Variants in NRXN1 observed in about 807,000 individuals in gnomAD.
The protein encoded by NRXN1 is neurexin-1.
A neutral mutation model predicts 150.9 loss-of-function variants in NRXN1; 39 were observed. That is an observed-to-expected ratio of 0.26 (90% CI 0.20 to 0.34). NRXN1 has a LOEUF of 0.34. Ranked by LOEUF, NRXN1 falls within the 10% of genes least tolerant of loss-of-function variation. The pLI, the probability that NRXN1 is intolerant of heterozygous loss-of-function variation, is 1.00. For missense variants in NRXN1, 1,815 were observed against 1,949.9 expected, an observed-to-expected ratio of 0.93 and a Z score of 1.30; for synonymous variants, 924 against 757.0, an observed-to-expected ratio of 1.22 and a Z score of -3.62.
At chr2:50,099,279 G>A (rs1210043946) in intron 18 of NRXN1, among the ~76,000 whole-genome samples, 1 of 152,014 alleles carries the variant, frequency 6.6e-6, no homozygotes, top group Non-Finnish European at 1.5e-5. Context: ...AAAGCCTGGT[G>A]TATTCCTCAT....
chr2:50,166,307 GTGTGTGTGTGTGTGTGTT>G lies in NRXN1; in HGVS notation c.3546+70464_3546+70481del, dbSNP rs527954832. ...TGTGTGTGTGTGTGTGTGTGTGTGT[GTGTGTGTGTGTGTGTGTT>G]TGTGTGTGTGTGTGTGTTCAAGAAT... On this transcript the variant is annotated intron_variant, in intron 18 of 22. Transcript: ENST00000401669. Among the ~76,000 whole-genome samples the G allele has an allele frequency of 5.7e-3, 841 of 146,558 alleles. 9 individuals are homozygous for G. The highest frequency in any genetic ancestry group is 0.022 in the African/African-American group (816 of 36,738).
At chr2:50,740,622 C>A (rs535536824) in intron 5 of NRXN1, among the ~76,000 whole-genome samples, 1 of 152,004 alleles carries the variant, frequency 6.6e-6, no homozygotes, top group African/African-American at 2.4e-5. Flanking sequence ...TGCCTGTGTA[C>A]GTATATAAAA....
At chr2:50,109,014 G>C (rs1418139042) in intron 18 of NRXN1, among the ~76,000 whole-genome samples, 1 of 152,080 alleles carries the variant, frequency 6.6e-6, no homozygotes, top group African/African-American at 2.4e-5. Flanking sequence ...TTCTCATAAG[G>C]AGTGGCAAAG....
chr2:50,304,084 C>T lies in NRXN1; in HGVS notation c.3365-67114G>A, dbSNP rs923183897. ...GACATATAAGATTACAGCCATAGAT[C>T]GATGAAGATGCAGCAGAAAAGGTAT... is the stretch of plus-strand genomic sequence containing the variant. On this transcript the variant is annotated intron_variant, in intron 17 of 22. Coordinates refer to ENST00000401669, the MANE Select transcript of NRXN1 (RefSeq NM_001330078.2). Among the ~76,000 whole-genome samples the T allele has an allele frequency of 1.2e-4, 19 of 152,106 alleles. No individual in the cohort carries two copies. The South Asian group carries it at 2.7e-3, about 22-fold the overall frequency.
chr2:50,156,198 C>T (rs539090587), intron 18 of NRXN1, among the ~76,000 whole-genome samples: 44 of 151,710 alleles, frequency 2.9e-4, no homozygotes, highest in Non-Finnish European at 4.9e-4. Flanking sequence ...AATTAACAGT[C>T]ATATAATGTA....
chr2:50,247,309 A>G (rs951749680), intron 17 of NRXN1, among the ~76,000 whole-genome samples: 1 of 152,088 alleles, frequency 6.6e-6, no homozygotes, highest in East Asian at 1.9e-4. Context: ...CTCACAGTTC[A>G]CTTGAATAGC....
intron 21 of NRXN1, among the ~76,000 whole-genome samples, chr2:50,013,355 A>G (rs1163068966): frequency 6.7e-6 from 1 of 149,376 alleles, no homozygotes; most frequent in African/African-American, 2.5e-5. Context: ...ATTCTGTACA[A>G]ATGATTTTAC....
intron 2 of NRXN1, among the ~76,000 whole-genome samples, chr2:50,990,811 G>A (rs1001178176): frequency 2.0e-5 from 3 of 151,942 alleles, no homozygotes; most frequent in African/African-American, 4.8e-5. Flanking sequence ...CTGAAGTGTC[G>A]TAGTGCTGCA....
chr2:50,507,443 A>G (rs1236416621), intron 12 of NRXN1, among the ~76,000 whole-genome samples: 1 of 152,120 alleles, frequency 6.6e-6, no homozygotes, highest in Non-Finnish European at 1.5e-5. Flanking sequence ...AGTGATATTA[A>G]ACAACAGTAG....
chr2:50,399,448 C>T (rs1055625902), intron 17 of NRXN1, among the ~76,000 whole-genome samples: 6 of 151,976 alleles, frequency 3.9e-5, no homozygotes, highest in African/African-American at 1.5e-4. Flanking sequence ...TTTCCCTATG[C>T]CTTTGATTAC....
intron 5 of NRXN1, among the ~76,000 whole-genome samples, chr2:50,911,236 T>G (rs535454636): frequency 1.3e-5 from 2 of 152,064 alleles, no homozygotes; most frequent in African/African-American, 2.4e-5. Context: ...TATTTCTACT[T>G]GGAGAAATGA....
intron 19 of NRXN1, among the ~76,000 whole-genome samples, chr2:50,075,397 A>G (rs1573762063): frequency 6.6e-6 from 1 of 152,236 alleles, no homozygotes; most frequent in Non-Finnish European, 1.5e-5. Flanking sequence ...AAGAGGCCCA[A>G]TTGTGTAAAA....
At chr2:49,982,336 T>C (rs1022352743) in intron 21 of NRXN1, among the ~76,000 whole-genome samples, 1 of 152,196 alleles carries the variant, frequency 6.6e-6, no homozygotes, top group Non-Finnish European at 1.5e-5. Flanking sequence ...TCTTTAAAAC[T>C]GTTAGAATTT....
intron 5 of NRXN1, among the ~76,000 whole-genome samples, chr2:50,795,288 T>C (rs575968797): frequency 6.6e-6 from 1 of 152,136 alleles, no homozygotes; most frequent in Non-Finnish European, 1.5e-5. Flanking sequence ...GCTTGACCCA[T>C]AGGTCTGGAA....
intron 17 of NRXN1, among the ~76,000 whole-genome samples, chr2:50,296,881 C>CTTTTT (rs4032054): frequency 4.4e-5 from 5 of 112,946 alleles, no homozygotes; most frequent in African/African-American, 9.2e-5. Flanking sequence ...TTCTTTCTTT[C>CTTTTT]TTTTTTTTTT....
At chr2:50,170,501 T>C (rs2059963731) in intron 18 of NRXN1, among the ~76,000 whole-genome samples, 1 of 152,132 alleles carries the variant, frequency 6.6e-6, no homozygotes, top group Admixed American at 6.6e-5. Context: ...TTCACGATGT[T>C]GACCATGCTG....
intron 5 of NRXN1, among the ~76,000 whole-genome samples, chr2:50,686,298 C>T (rs1226889776): frequency 2.0e-5 from 3 of 152,070 alleles, no homozygotes; most frequent in African/African-American, 2.4e-5. Context: ...AGGTTTCAAA[C>T]AAAAACTTAG....
intron 1 of NRXN1, among the ~76,000 whole-genome samples, chr2:51,031,360 G>A (rs748356735): frequency 3.3e-5 from 5 of 151,978 alleles, no homozygotes; most frequent in East Asian, 1.9e-4. Context: ...AATACAGTAC[G>A]CTCATCGGCT....
At chr2:50,460,050 G>C (rs531307192) in intron 17 of NRXN1, among the ~76,000 whole-genome samples, 1 of 152,216 alleles carries the variant, frequency 6.6e-6, no homozygotes, top group South Asian at 2.1e-4. Flanking sequence ...TAAAACCATT[G>C]TCTTTCCTTG....
Sources: allele counts gnomAD v4.1 joint callset (sites outside exome capture counted in the v4.1 genomes callset), GRCh38; gene constraint gnomAD v4.1.1; transcripts MANE v1.5; gene names NCBI Gene and HGNC (gene_info 2026-07-23, HGNC 2026-07-21).